Variants in ANAPC1 observed in about 807,000 individuals in gnomAD.
ANAPC1 encodes the protein anaphase-promoting complex subunit 1.
ANAPC1 carries 36 observed loss-of-function variants against 208.0 expected under a neutral mutation model. The ratio of observed to expected loss-of-function variants is 0.17; its 90% CI spans 0.13 to 0.23. The LOEUF is 0.23. Among genes scored for constraint, ANAPC1 ranks in the 10% least tolerant of loss-of-function variants. ANAPC1 has a pLI of 1.00. For synonymous variants in ANAPC1, 378 were observed against 695.2 expected (o/e 0.54, Z 7.18); for missense variants, 942 against 2,011.6 (o/e 0.47, Z 10.17).
rs139619296 is a variant in ANAPC1, at chr2:111,844,946, A to C, written c.1853-1347T>G. On this transcript the variant is annotated intron_variant, in intron 16 of 47. Transcript: ENST00000341068. ...CTGTCACCTCCAACTCCTGGACTCA[A>C]GTGGTCCACCAGCTCAAGCTTCCCA... Among the ~76,000 whole-genome samples, 795 of 152,284 alleles carry C rather than the reference A, an allele frequency of 5.2e-3. 14 individuals are homozygous for C. The highest frequency in any genetic ancestry group is 0.018 in the African/African-American group (750 of 41,558).
At chr2:111,869,637 T>G (rs534214409) in intron 6 of ANAPC1, among the ~76,000 whole-genome samples, 1 of 152,244 alleles carries the variant, frequency 6.6e-6, no homozygotes, top group South Asian at 2.1e-4. Context: ...GTAGAGTTCA[T>G]GAGTGTACAT....
downstream of ANAPC1, chr2:111,767,120 C>T (rs1207179596): frequency 2.7e-6 from 1 of 377,156 alleles, no homozygotes; most frequent in South Asian, 2.0e-5. Context: ...TTCTATCTAT[C>T]TAAGTAGAAA....
intron 34 of ANAPC1, among the ~76,000 whole-genome samples, chr2:111,798,752 A>G (rs1678285184): frequency 6.6e-6 from 1 of 152,232 alleles, no homozygotes; most frequent in Non-Finnish European, 1.5e-5. Context: ...GAAATCTGAC[A>G]GGCCAGGCGT....
At chr2:111,862,966 C>G (rs6725911) in intron 9 of ANAPC1, among the ~76,000 whole-genome samples, 88,017 of 151,230 alleles carry the variant, frequency 0.58, 26,512 homozygotes, top group South Asian at 0.69. Context: ...CATATCTGGT[C>G]ATTTAAATAT....
intron 39 of ANAPC1, 132 bp from the exon 40 acceptor site, chr2:111,785,609 G>A (rs1403997287): frequency 2.1e-6 from 1 of 479,254 alleles, no homozygotes; most frequent in Non-Finnish European, 3.9e-6. Flanking sequence ...AAATCTTAAA[G>A]GCAGATAAGA....
intron 16 of ANAPC1, among the ~76,000 whole-genome samples, chr2:111,845,844 G>A (rs1456548683): frequency 3.3e-5 from 5 of 151,864 alleles, no homozygotes; most frequent in African/African-American, 1.2e-4. Context: ...GCGTGGTGGC[G>A]GGCACCTGTA....
intron 26 of ANAPC1, among the ~76,000 whole-genome samples, chr2:111,820,792 G>A (rs1679487308): frequency 6.7e-6 from 1 of 148,692 alleles, no homozygotes; most frequent in Non-Finnish European, 1.5e-5. Context: ...TTTATTTGGA[G>A]TATCATCTAT....
rs942127672 is a variant in ANAPC1 at position 111,784,495 on chromosome 2, G to A, written c.4918-95C>T. On this transcript the variant is annotated intron_variant, in intron 40 of 47. Transcript: ENST00000341068. Reference sequence around the variant, plus strand: ...CCACGCTATACCTCCCCCTATCCCCGCAGTTCATACAGAGACCTTTAAATG... The same window carrying A: ...CCACGCTATACCTCCCCCTATCCCCACAGTTCATACAGAGACCTTTAAATG... 412 of 1,486,698 alleles carry A rather than the reference G, an allele frequency of 2.8e-4. No homozygotes were observed. The Middle Eastern group carries it at 3.5e-3, about 13-fold the overall frequency. 92.1% of individuals were successfully genotyped at this position (1,486,698 alleles called of 1,614,324 possible). A position where few individuals can be genotyped will look rare whatever the true frequency, so the allele number is the denominator to read the frequency against.
At chr2:111,789,156 C>T (rs1410040480) in intron 38 of ANAPC1, among the ~76,000 whole-genome samples, 1 of 152,034 alleles carries the variant, frequency 6.6e-6, no homozygotes, top group Admixed American at 6.6e-5. Context: ...AAAAAAGTTA[C>T]AATGACTGTA....
At chr2:111,851,340 C>A (rs574775590) in intron 13 of ANAPC1, among the ~76,000 whole-genome samples, 34 of 152,184 alleles carry the variant, frequency 2.2e-4, no homozygotes, top group Admixed American at 7.9e-4. Flanking sequence ...TGGGCTGAAG[C>A]CATCTGCCCA....
At chr2:111,781,671 G>A (rs1179108790) in intron 43 of ANAPC1, among the ~76,000 whole-genome samples, 5 of 152,204 alleles carry the variant, frequency 3.3e-5, no homozygotes, top group Admixed American at 6.5e-5. Flanking sequence ...ATCACCAGCA[G>A]GGACACAGTT....
chr2:111,779,904 G>A (rs1420139688), intron 44 of ANAPC1: 2 of 242,170 alleles, frequency 8.3e-6, no homozygotes, highest in Non-Finnish European at 8.1e-6. Flanking sequence ...GAATCTTGAA[G>A]GTAACAGGTG....
Position 111,825,194 on chromosome 2 carries a change from T to C in ANAPC1, c.2705-27A>G, listed in dbSNP as rs1425963503. 1.9e-6 allele frequency: 3 copies of C among 1,611,084 alleles called. No homozygotes were observed. In the African/African-American group the frequency reaches 4.0e-5, roughly 22 times the overall value. On this transcript the variant is annotated intron_variant, in intron 22 of 47. Transcript: ENST00000341068. ...TAAAAGGCAACAAAATGAAACTTAA[T>C]TTTGATAGTCATCCTGGTAAAGAAA...
chr2:111,842,847 T>G (rs1430663893), intron 17 of ANAPC1, among the ~76,000 whole-genome samples: 5 of 151,912 alleles, frequency 3.3e-5, no homozygotes, highest in African/African-American at 7.3e-5. Context: ...TTGTAAATAA[T>G]CTAATAAGGG....
intron 11 of ANAPC1, 106 bp from the exon 12 acceptor site, chr2:111,856,992 T>C (rs1372567782): frequency 2.1e-5 from 16 of 760,580 alleles, no homozygotes; most frequent in African/African-American, 3.5e-5. Context: ...TTACATACTG[T>C]ATGAGCCCAT....
At chr2:111,845,541 A>G (rs1681006291) in intron 16 of ANAPC1, among the ~76,000 whole-genome samples, 1 of 152,248 alleles carries the variant, frequency 6.6e-6, no homozygotes, top group South Asian at 2.1e-4. Context: ...ACTTATGTGC[A>G]TAAACTATGG....
chr2:111,783,656 G>C (rs938688076), intron 42 of ANAPC1, among the ~76,000 whole-genome samples: 1 of 152,234 alleles, frequency 6.6e-6, no homozygotes, highest in African/African-American at 2.4e-5. Context: ...AAGGAAGTCA[G>C]TGCAAGTTTC....
chr2:111,821,611 A>C, intron 25 of ANAPC1, 158 bp from the exon 26 acceptor site: 5 of 601,502 alleles, frequency 8.3e-6, no homozygotes, highest in Non-Finnish European at 1.5e-5. Context: ...GTATACTGGG[A>C]CTCTAATCTA....
rs551984557 is a variant in ANAPC1, at chr2:111,827,540, C to T, written c.2626-1685G>A. On this transcript the variant is annotated intron_variant, in intron 21 of 47. Coordinates refer to ENST00000341068, the MANE Select transcript of ANAPC1 (RefSeq NM_022662.4). Reference sequence around the variant, plus strand: ...TCACATAAAAAAAATTTATCACTTGCGGTCAGGAGTTCAAGACCAGCCTGG... The same window carrying T: ...TCACATAAAAAAAATTTATCACTTGTGGTCAGGAGTTCAAGACCAGCCTGG... Among the ~76,000 whole-genome samples, 18 of 152,120 alleles carry T rather than the reference C, an allele frequency of 1.2e-4. No homozygotes were observed. In the South Asian group the frequency reaches 3.3e-3, roughly 28 times the overall value.
Sources: allele counts gnomAD v4.1 joint callset (sites outside exome capture counted in the v4.1 genomes callset), GRCh38; gene constraint gnomAD v4.1.1; transcripts MANE v1.5; gene names NCBI Gene and HGNC (gene_info 2026-07-23, HGNC 2026-07-21).